The following FUT8 variants were observed in gnomAD, a reference collection of about 807,000 sequenced individuals.
The protein encoded by FUT8 is alpha-(1,6)-fucosyltransferase.
FUT8 carries 29 observed loss-of-function variants against 71.3 expected under a neutral mutation model. The ratio of observed to expected loss-of-function variants is 0.41; its 90% CI spans 0.30 to 0.55. The LOEUF (loss-of-function observed/expected upper bound fraction) is 0.55, where lower values mean the gene tolerates loss of function less well. FUT8 is among the 20% of genes least tolerant of loss of function. The probability of loss-of-function intolerance (pLI) is 0.34; values close to 1 mark genes in which losing one functional copy is unlikely to be tolerated. For missense variants in FUT8, 544 were observed against 702.1 expected, an observed-to-expected ratio of 0.77 and a Z score of 2.55; for synonymous variants, 254 against 239.3, an observed-to-expected ratio of 1.06 and a Z score of -0.57.
At chr14:65,738,976 ATAT>A (rs1215884567) in intron 10 of FUT8, among the ~76,000 whole-genome samples, 3 of 152,038 alleles carry the variant, frequency 2.0e-5, no homozygotes, top group Non-Finnish European at 2.9e-5. Context: ...CTAAGGGAAT[ATAT>A]ACTCAAGAGC....
At chr14:65,431,029 C>T (rs1041175169) in intron 1 of FUT8, among the ~76,000 whole-genome samples, 1 of 135,062 alleles carries the variant, frequency 7.4e-6, no homozygotes, top group Non-Finnish European at 1.5e-5. Context: ...GAGTTTCACT[C>T]TTGCTGCCCA....
chr14:65,471,994 C>T lies in FUT8; in HGVS notation c.-228+16276C>T, dbSNP rs148174209. ...ATTTGCAAGAAAGATTAAAAAACTT[C>T]TCCAGAGGGAAGTTGATCATAGGAC... On this transcript the variant is annotated intron_variant, in intron 2 of 10. Coordinates refer to ENST00000673929, the MANE Select transcript of FUT8 (RefSeq NM_001371533.1). Among the ~76,000 whole-genome samples, 421 of 152,240 alleles carry T rather than the reference C, an allele frequency of 2.8e-3. 2 individuals carry two copies. Among genetic ancestry groups the T allele is most frequent in the Non-Finnish European group, 3.5e-3 (239 of 68,024 alleles).
chr14:65,455,322 G>A (rs190227778), intron 1 of FUT8, among the ~76,000 whole-genome samples: 10 of 152,260 alleles, frequency 6.6e-5, no homozygotes, highest in Admixed American at 2.6e-4. Flanking sequence ...GATAGACAAA[G>A]TTAAAGAATT....
At chr14:65,622,083 CA>C (rs1256325549) in intron 5 of FUT8, among the ~76,000 whole-genome samples, 1 of 152,226 alleles carries the variant, frequency 6.6e-6, no homozygotes, top group African/African-American at 2.4e-5. Flanking sequence ...TCCAGCCTCT[CA>C]AAGTGCTGGG....
At chr14:65,573,769 T>G (rs182220079) in intron 3 of FUT8, among the ~76,000 whole-genome samples, 305 of 152,106 alleles carry the variant, frequency 2.0e-3, no homozygotes, top group Non-Finnish European at 3.4e-3. Flanking sequence ...TCAGGTTTAG[T>G]GATTCATTCA....
chr14:65,422,169 G>C (rs963140622), intron 1 of FUT8, among the ~76,000 whole-genome samples: 1 of 152,152 alleles, frequency 6.6e-6, no homozygotes, highest in Non-Finnish European at 1.5e-5. Context: ...AATACTTCCT[G>C]ACTTCAGGGA....
At chr14:65,369,928 C>T in the FUT8 span, among the ~76,000 whole-genome samples, 6 of 152,080 alleles carry the variant, frequency 3.9e-5, no homozygotes, top group East Asian at 1.9e-4. This position sits in a 1 kb window ranked among gnomAD's most constrained non-coding sequence, Gnocchi z 4.6. Context: ...TTTATGGACT[C>T]GCCCCAAATT....
intron 6 of FUT8, among the ~76,000 whole-genome samples, chr14:65,649,506 A>G (rs1444215236): frequency 6.6e-6 from 1 of 152,212 alleles, no homozygotes; most frequent in East Asian, 1.9e-4. Context: ...TAAGGACAAG[A>G]TAGATACTGT....
chr14:65,632,453 G>T lies in FUT8; in HGVS notation c.597+2847G>T, dbSNP rs568250395. Among the ~76,000 whole-genome samples, 357 of 152,268 alleles carry T rather than the reference G, an allele frequency of 2.3e-3. 2 individuals carry two copies. The highest frequency in any genetic ancestry group is 3.5e-3 in the Non-Finnish European group (240 of 68,000). On this transcript the variant is annotated intron_variant, in intron 6 of 10. Coordinates refer to ENST00000673929, the MANE Select transcript of FUT8 (RefSeq NM_001371533.1). ...TAAGGTGGTATTGCACTGTGGTTTT[G>T]ATTTACGTTTCCCTGATCATTAGTG...
intron 6 of FUT8, among the ~76,000 whole-genome samples, chr14:65,664,701 G>C (rs923743028): frequency 1.3e-5 from 2 of 152,106 alleles, no homozygotes; most frequent in Non-Finnish European, 2.9e-5. Context: ...GGCTCTGCTT[G>C]ACAGGACAGA....
At chr14:65,716,366 A>G (rs1895058943) in intron 7 of FUT8, among the ~76,000 whole-genome samples, 1 of 146,094 alleles carries the variant, frequency 6.8e-6, no homozygotes, top group Admixed American at 6.8e-5. Context: ...ATCATTATAT[A>G]GTGACCTTCT....
chr14:65,359,567 A>G, the FUT8 span, among the ~76,000 whole-genome samples: 1 of 152,124 alleles, frequency 6.6e-6, no homozygotes, highest in African/African-American at 2.4e-5. Flanking sequence ...TCACTACTCC[A>G]AGTATGTTAC....
chr14:65,544,731 T>C (rs1239281923), intron 2 of FUT8, among the ~76,000 whole-genome samples: 1 of 152,134 alleles, frequency 6.6e-6, no homozygotes, highest in African/African-American at 2.4e-5. Context: ...TTCTAAGATA[T>C]TGGCTGATTT....
upstream of FUT8, chr14:65,411,080 C>T (rs2065118971): frequency 6.6e-6 from 1 of 152,176 alleles, no homozygotes; most frequent in Admixed American, 6.5e-5. Flanking sequence ...TTCCAACAAC[C>T]AAAGTGTGTC....
intron 1 of FUT8, among the ~76,000 whole-genome samples, chr14:65,428,732 G>C (rs1282046880): frequency 1.3e-5 from 2 of 152,182 alleles, no homozygotes; most frequent in Admixed American, 1.3e-4. Context: ...TTTTTGACGA[G>C]AACAAAGCCA....
chr14:65,479,323 A>C (rs1042726567), intron 2 of FUT8, among the ~76,000 whole-genome samples: 2 of 152,196 alleles, frequency 1.3e-5, no homozygotes, highest in African/African-American at 4.8e-5. Context: ...CAAATGATTT[A>C]ATTATTTTTT....
chr14:65,616,124 C>G (rs779806314), intron 4 of FUT8, 31 bp downstream of exon 4: 3 of 1,603,900 alleles, frequency 1.9e-6, no homozygotes, highest in Non-Finnish European at 2.6e-6. Context: ...TTCCCCTCCT[C>G]AGTATATGGG....
chr14:65,438,878 G>A (rs2139470293), intron 1 of FUT8, among the ~76,000 whole-genome samples: 1 of 152,290 alleles, frequency 6.6e-6, no homozygotes. Flanking sequence ...TGCTAGTTAT[G>A]TAGCACCTGA....
At chr14:65,494,661 A>C (rs569726601) in intron 2 of FUT8, among the ~76,000 whole-genome samples, 29 of 152,038 alleles carry the variant, frequency 1.9e-4, no homozygotes, top group African/African-American at 6.3e-4. Context: ...TCGTTGCATA[A>C]GTATACATGT....
Sources: allele counts gnomAD v4.1 joint callset (sites outside exome capture counted in the v4.1 genomes callset), GRCh38; gene constraint gnomAD v4.1.1; non-coding constraint Gnocchi (gnomAD v3.1); transcripts MANE v1.5; gene names NCBI Gene and HGNC (gene_info 2026-07-23, HGNC 2026-07-21).